CDC14A: variants seen among roughly 807,000 people sequenced by gnomAD.
CDC14A encodes cell division cycle 14A.
CDC14A carries 53 observed loss-of-function variants against 74.4 expected under a neutral mutation model. That is an observed-to-expected ratio of 0.71 (90% CI 0.57 to 0.89). CDC14A has a LOEUF of 0.89. Among genes scored for constraint, CDC14A ranks in the 40% least tolerant of loss-of-function variants. CDC14A has a pLI of 0.00. For synonymous variants in CDC14A, 247 were observed against 258.4 expected (o/e 0.96, Z 0.43); for missense variants, 646 against 713.7 (o/e 0.91, Z 1.08).
intron 4 of CDC14A, among the ~76,000 whole-genome samples, chr1:100,391,376 G>A (rs1657678609): frequency 1.3e-5 from 2 of 152,120 alleles, no homozygotes; most frequent in Non-Finnish European, 2.9e-5. Flanking sequence ...ATTTCAATTA[G>A]AAATTTTGTT....
intron 4 of CDC14A, among the ~76,000 whole-genome samples, chr1:100,422,260 G>C (rs1662454764): frequency 6.6e-6 from 1 of 152,158 alleles, no homozygotes; most frequent in African/African-American, 2.4e-5. Context: ...ATGTGGGCTG[G>C]TGCCTCCCTC....
chr1:100,387,866 A>G (rs1571028911), intron 3 of CDC14A, among the ~76,000 whole-genome samples: 1 of 151,984 alleles, frequency 6.6e-6, no homozygotes, highest in African/African-American at 2.4e-5. Context: ...ACTCCCCCCA[A>G]CCCCCTCCAA....
chr1:100,346,976 C>G (rs1650482718), intron 1 of CDC14A, among the ~76,000 whole-genome samples: 1 of 152,126 alleles, frequency 6.6e-6, no homozygotes, highest in Non-Finnish European at 1.5e-5. Context: ...TTTATAGAAG[C>G]CACACAAAAA....
At chr1:100,483,827 CCA>C (rs1002177510) in intron 10 of CDC14A, among the ~76,000 whole-genome samples, 2 of 152,114 alleles carry the variant, frequency 1.3e-5, no homozygotes, top group Non-Finnish European at 2.9e-5. Context: ...TTTCATGGTA[CCA>C]CCCAAAAGTA....
Position 100,353,434 on chromosome 1 carries a change from CT to C in CDC14A, c.50-326del, listed in dbSNP as rs1474727080. Among the ~76,000 whole-genome samples, 3 of 152,348 alleles carry C rather than the reference CT, an allele frequency of 2.0e-5. No individual in the cohort carries two copies. The East Asian group carries it at 5.8e-4, about 29-fold the overall frequency. On this transcript the variant is annotated intron_variant, in intron 1 of 15. Coordinates refer to ENST00000336454, the MANE Select transcript of CDC14A (RefSeq NM_003672.4). ...TCGGGAGGCTCACCTCTTTCTTCCC[CT>C]TCTCGCAGCTGCTGAGGTCTGGAGA... is the stretch of plus-strand genomic sequence containing the variant.
In CDC14A at chr1:100,443,008, T is replaced by C; in HGVS notation, c.519+12T>C. The stretch of plus-strand genomic sequence containing the variant: ...ATGAACATTATGAGGTTTGTACATT[T>C]AATTTTTTTTACAAAACATAATTTC... On this transcript the variant is annotated intron_variant, in intron 7 of 15. Coordinates refer to ENST00000336454, the MANE Select transcript of CDC14A (RefSeq NM_003672.4). 1 of 1,526,610 alleles carries C rather than the reference T, an allele frequency of 6.6e-7. No homozygotes were observed. The highest frequency in any genetic ancestry group is 9.1e-7 in the Non-Finnish European group (1 of 1,103,804). 94.6% of individuals were successfully genotyped at this position (1,526,610 alleles called of 1,614,324 possible).
At chr1:100,357,342 G>A (rs1333086383) in intron 2 of CDC14A, among the ~76,000 whole-genome samples, 1 of 152,088 alleles carries the variant, frequency 6.6e-6, no homozygotes, top group African/African-American at 2.4e-5. Context: ...CAACAAAGAG[G>A]TGGACAAACA....
At chr1:100,347,885 A>G (rs1364200055), upstream of CDC14A, among the ~76,000 whole-genome samples, 1 of 152,182 alleles carries the variant, frequency 6.6e-6, no homozygotes, top group Non-Finnish European at 1.5e-5. Context: ...GATACATTCT[A>G]ATAAGAAATG....
chr1:100,445,872 A>T (rs931164365), intron 7 of CDC14A, among the ~76,000 whole-genome samples: 2 of 152,218 alleles, frequency 1.3e-5, no homozygotes, highest in Admixed American at 6.5e-5. Context: ...GTTCTATTAT[A>T]AAGCCTATAA....
intron 3 of CDC14A, 55 bp from the exon 4 acceptor site, chr1:100,390,677 A>G (rs919023543): frequency 1.8e-6 from 2 of 1,101,534 alleles, no homozygotes; most frequent in Non-Finnish European, 2.8e-6. Context: ...TGCCTTCTGT[A>G]TATGTTAACT....
At chr1:100,355,142 A>T (rs1464653631) in intron 2 of CDC14A, among the ~76,000 whole-genome samples, 2 of 152,178 alleles carry the variant, frequency 1.3e-5, no homozygotes, top group Admixed American at 6.5e-5. Context: ...GGATGGAGTT[A>T]TGTGCGGCTG....
intron 13 of CDC14A, among the ~76,000 whole-genome samples, chr1:100,496,521 C>A (rs190601239): frequency 1.3e-5 from 2 of 152,240 alleles, no homozygotes; most frequent in African/African-American, 4.8e-5. Flanking sequence ...GGAAAAATGT[C>A]CCCTGAAACC....
rs1009646627 is a variant in CDC14A, at chr1:100,442,509, A to G, written c.457-425A>G. Reference sequence around the variant, plus strand: ...TTTTTGGGGGGCTAAATATCTCCCTATGATAAAAGGAAGACAAAAACTCAT... The same window carrying G: ...TTTTTGGGGGGCTAAATATCTCCCTGTGATAAAAGGAAGACAAAAACTCAT... On this transcript the variant is annotated intron_variant, in intron 6 of 15. Coordinates refer to ENST00000336454, the MANE Select transcript of CDC14A (RefSeq NM_003672.4). Among the ~76,000 whole-genome samples, 5 of 151,126 alleles carry G rather than the reference A, an allele frequency of 3.3e-5. 1 individual carries two copies. In the South Asian group the frequency reaches 1.0e-3, roughly 31 times the overall value.
At chr1:100,383,348 A>G (rs1656412957) in intron 3 of CDC14A, 1 of 152,746 alleles carries the variant, frequency 6.5e-6, no homozygotes, top group African/African-American at 2.4e-5. Flanking sequence ...AATGAAATGT[A>G]TTGGGTTTGA....
intron 4 of CDC14A, chr1:100,393,698 G>A (rs1658045868): frequency 2.4e-6 from 1 of 420,118 alleles, no homozygotes; most frequent in Admixed American, 3.2e-5. Context: ...GCACACGACT[G>A]TAATCCCAGC....
intron 2 of CDC14A, among the ~76,000 whole-genome samples, chr1:100,361,785 T>G (rs979571794): frequency 2.6e-5 from 4 of 152,116 alleles, no homozygotes; most frequent in Non-Finnish European, 5.9e-5. Flanking sequence ...TGTCAGTAAA[T>G]TGTGCTTGCT....
chr1:100,434,451 G>A (rs776146404), intron 5 of CDC14A, among the ~76,000 whole-genome samples: 23 of 152,166 alleles, frequency 1.5e-4, no homozygotes, highest in Non-Finnish European at 2.4e-4. Context: ...TCAGTGAGGG[G>A]TTATAGCTGA....
At chr1:100,417,638 T>C (rs1279953511) in intron 4 of CDC14A, among the ~76,000 whole-genome samples, 1 of 152,214 alleles carries the variant, frequency 6.6e-6, no homozygotes, top group Non-Finnish European at 1.5e-5. Context: ...GTCTATTGCT[T>C]TCTCTTGAAG....
chr1:100,375,686 T>C (rs1308310298), intron 2 of CDC14A, among the ~76,000 whole-genome samples: 4 of 152,198 alleles, frequency 2.6e-5, no homozygotes, highest in Non-Finnish European at 1.5e-5. Context: ...AGGAACACTT[T>C]TACACTGTTG....
Sources: allele counts gnomAD v4.1 joint callset (sites outside exome capture counted in the v4.1 genomes callset), GRCh38; gene constraint gnomAD v4.1.1; transcripts MANE v1.5; gene names NCBI Gene and HGNC (gene_info 2026-07-23, HGNC 2026-07-21).